MACROD2: variants seen among roughly 807,000 people sequenced by gnomAD.
The protein encoded by MACROD2 is mono-ADP ribosylhydrolase 2.
Under a neutral mutation model 70.4 loss-of-function variants are expected in MACROD2, and 36 were observed. That is an observed-to-expected ratio of 0.51 (90% CI 0.39 to 0.68). MACROD2 has a LOEUF of 0.68. Ranked by LOEUF, MACROD2 falls within the 30% of genes least tolerant of loss-of-function variation. MACROD2 has a pLI of 0.00. For synonymous variants in MACROD2, 172 were observed against 178.8 expected (o/e 0.96, Z 0.30); for missense variants, 496 against 538.4 (o/e 0.92, Z 0.78).
intron 12 of MACROD2, among the ~76,000 whole-genome samples, chr20:15,961,908 A>G (rs2066067168): frequency 6.6e-6 from 1 of 152,236 alleles, no homozygotes; most frequent in Non-Finnish European, 1.5e-5. Context: ...AATCAGAAGG[A>G]TGGAGGTCAA....
chr20:14,562,182 G>A (rs558055743), intron 4 of MACROD2, among the ~76,000 whole-genome samples: 1 of 151,866 alleles, frequency 6.6e-6, no homozygotes, highest in Non-Finnish European at 1.5e-5. Context: ...AAAACCAATG[G>A]CCATAATTTT....
intron 3 of MACROD2, among the ~76,000 whole-genome samples, chr20:14,438,238 G>A (rs534372455): frequency 1.3e-5 from 2 of 152,222 alleles, no homozygotes; most frequent in East Asian, 3.9e-4. Context: ...TGTAGCAAAT[G>A]ATAGGATCTC....
intron 7 of MACROD2, among the ~76,000 whole-genome samples, chr20:15,435,699 A>G (rs540901514): frequency 8.3e-4 from 127 of 152,306 alleles, no homozygotes; most frequent in African/African-American, 3.0e-3. Flanking sequence ...GGACAGTAAG[A>G]ACTAACTAAA....
chr20:15,417,928 A>G (rs988966028), intron 6 of MACROD2, among the ~76,000 whole-genome samples: 1 of 152,206 alleles, frequency 6.6e-6, no homozygotes, highest in African/African-American at 2.4e-5. Context: ...GGATGCTGAA[A>G]AAGAATTCTC....
At chr20:15,449,060 A>AT in intron 7 of MACROD2, among the ~76,000 whole-genome samples, 1 of 152,162 alleles carries the variant, frequency 6.6e-6, no homozygotes, top group East Asian at 1.9e-4. Context: ...GTACTAATTG[A>AT]TTTTTTATTC....
chr20:15,278,287 T>C (rs966530678), intron 6 of MACROD2, among the ~76,000 whole-genome samples: 3 of 152,196 alleles, frequency 2.0e-5, no homozygotes, highest in African/African-American at 4.8e-5. Context: ...ATCCTCATTA[T>C]GAAATAAGAC....
Position 14,277,078 on chromosome 20 carries a change from G to T in MACROD2, c.271+191350G>T, listed in dbSNP as rs1057313692. On this transcript the variant is annotated intron_variant, in intron 3 of 17. Transcript: ENST00000684519. ...CGCCTGTAGTGCCAGCACTGTGGAAGTCCCTGGCTAGCTGATGATTTGAGA... is the reference window on the plus strand; with the variant it reads ...CGCCTGTAGTGCCAGCACTGTGGAATTCCCTGGCTAGCTGATGATTTGAGA... 3.9e-5 allele frequency among the ~76,000 whole-genome samples: 6 copies of T among 152,122 alleles called. No individual in the cohort carries two copies. The East Asian group carries it at 1.2e-3, about 29-fold the overall frequency.
chr20:14,102,638 G>T (rs2054315835), intron 3 of MACROD2, among the ~76,000 whole-genome samples: 1 of 152,154 alleles, frequency 6.6e-6, no homozygotes. Context: ...TCCCTCCTCT[G>T]CTATGCCAGA....
At chr20:15,031,129 T>C (rs2075271211) in intron 5 of MACROD2, among the ~76,000 whole-genome samples, 2 of 152,220 alleles carry the variant, frequency 1.3e-5, no homozygotes, top group Admixed American at 1.3e-4. Context: ...GCGCCAGCTC[T>C]ATGCAAGGCT....
At chr20:14,746,325 A>G (rs1257655649) in intron 5 of MACROD2, among the ~76,000 whole-genome samples, 1 of 152,202 alleles carries the variant, frequency 6.6e-6, no homozygotes, top group Non-Finnish European at 1.5e-5. Flanking sequence ...CTGACATAAA[A>G]GTATTTTAAA....
At chr20:14,509,969 A>T (rs561033478) in intron 4 of MACROD2, among the ~76,000 whole-genome samples, 23 of 152,196 alleles carry the variant, frequency 1.5e-4, no homozygotes, top group East Asian at 1.3e-3. Flanking sequence ...ATTTTACTTC[A>T]GCCCAATATA....
chr20:14,004,000 A>G (rs1221051267), intron 2 of MACROD2, among the ~76,000 whole-genome samples: 1 of 151,996 alleles, frequency 6.6e-6, no homozygotes, highest in Non-Finnish European at 1.5e-5. Context: ...TCTTTTTTTT[A>G]AATGGCTACA....
rs2073105715 is a variant in MACROD2 at position 14,843,231 on chromosome 20, T to G, written c.418+158272T>G. 2.7e-5 allele frequency among the ~76,000 whole-genome samples: 4 copies of G among 148,778 alleles called. No individual in the cohort carries two copies. The South Asian group carries it at 8.5e-4, about 32-fold the overall frequency. ...AGGCTCTTTGTGTTATGACTGGGGC[T>G]AGGAAAGAAAGCCATTATCTAACTG... On this transcript the variant is annotated intron_variant, in intron 5 of 17. Coordinates refer to ENST00000684519, the MANE Select transcript of MACROD2 (RefSeq NM_001351661.2).
At chr20:15,095,120 A>G (rs1203647039) in intron 5 of MACROD2, among the ~76,000 whole-genome samples, 7 of 125,748 alleles carry the variant, frequency 5.6e-5, no homozygotes, top group Non-Finnish European at 9.5e-5. Flanking sequence ...TCTGTCGTCC[A>G]GGCTGGAGTG....
chr20:15,750,929 T>G (rs543090605), intron 8 of MACROD2, among the ~76,000 whole-genome samples: 1 of 152,046 alleles, frequency 6.6e-6, no homozygotes, highest in Admixed American at 6.6e-5. Flanking sequence ...TTTTGTTTGT[T>G]TGTTTTTTGT....
intron 5 of MACROD2, among the ~76,000 whole-genome samples, chr20:14,845,725 C>T (rs539403689): frequency 6.6e-6 from 1 of 152,012 alleles, no homozygotes; most frequent in African/African-American, 2.4e-5. Flanking sequence ...ATTGCTTCAA[C>T]CAAGAGGAGT....
chr20:14,264,325 A>G (rs1998238), intron 3 of MACROD2, among the ~76,000 whole-genome samples: 96,592 of 151,954 alleles, frequency 0.64, 32,261 homozygotes, highest in Non-Finnish European at 0.75. Flanking sequence ...GTATGTTGTC[A>G]TTTAAGATTT....
At chr20:14,215,156 GTTCCATCATATATATATT>G (rs2081607146) in intron 3 of MACROD2, among the ~76,000 whole-genome samples, 1 of 140,154 alleles carries the variant, frequency 7.1e-6, no homozygotes, top group Admixed American at 7.2e-5. Flanking sequence ...CATCATATAT[GTTCCATCATATATATATT>G]TTCCATCATA....
intron 2 of MACROD2, among the ~76,000 whole-genome samples, chr20:14,010,144 TAAAA>T (rs901878197): frequency 1.3e-5 from 2 of 151,834 alleles, no homozygotes; most frequent in Non-Finnish European, 2.9e-5. Flanking sequence ...AGTTGGAAAT[TAAAA>T]AAAAATTTGG....
Sources: gnomAD v4.1 joint callset for allele counts (sites outside exome capture counted in the v4.1 genomes callset) on GRCh38, gnomAD v4.1.1 for gene constraint, MANE v1.5 for transcripts, NCBI Gene and HGNC (gene_info 2026-07-23, HGNC 2026-07-21) for gene names.